Variants in AMOTL1 observed in about 807,000 individuals in gnomAD.
AMOTL1 encodes the protein angiomotin like 1.
Under a neutral mutation model 102.9 loss-of-function variants are expected in AMOTL1, and 45 were observed. The observed-to-expected ratio is 0.44, with a 90% CI of 0.34 to 0.56. AMOTL1 has a LOEUF of 0.56. AMOTL1 is among the 20% of genes least tolerant of loss of function. The probability of loss-of-function intolerance (pLI) is 0.01; values close to 1 mark genes in which losing one functional copy is unlikely to be tolerated. For missense variants in AMOTL1, 1,114 were observed against 1,225.6 expected, an observed-to-expected ratio of 0.91 and a Z score of 1.36; for synonymous variants, 481 against 484.7, an observed-to-expected ratio of 0.99 and a Z score of 0.10.
intron 1 of AMOTL1, among the ~76,000 whole-genome samples, chr11:94,779,764 A>G (rs1022433287): frequency 6.6e-6 from 1 of 152,166 alleles, no homozygotes; most frequent in Admixed American, 6.5e-5. Context: ...ATCCATTTTG[A>G]GACCCTTGAT....
intron 1 of AMOTL1, among the ~76,000 whole-genome samples, chr11:94,773,877 A>G (rs536551557): frequency 6.6e-6 from 1 of 152,358 alleles, no homozygotes. Flanking sequence ...AGTTATGTAT[A>G]TGTTAAAATG....
chr11:94,822,786 C>G (rs908681283), intron 4 of AMOTL1, among the ~76,000 whole-genome samples: 6 of 152,110 alleles, frequency 3.9e-5, no homozygotes, highest in Non-Finnish European at 7.4e-5. Context: ...TCATTATGCC[C>G]CTCAGGTCAG....
intron 3 of AMOTL1, among the ~76,000 whole-genome samples, chr11:94,751,825 T>C (rs929418413): frequency 3.3e-5 from 5 of 150,542 alleles, no homozygotes; most frequent in Non-Finnish European, 7.4e-5. Context: ...CACACACACA[T>C]AGGAAAATGG....
chr11:94,801,566 A>G (rs3858370), intron 3 of AMOTL1, among the ~76,000 whole-genome samples: 31,744 of 152,092 alleles, frequency 0.21, 4,231 homozygotes, highest in East Asian at 0.46. Context: ...CCCACGCCAC[A>G]AGGAGCTCCA....
intron 9 of AMOTL1, 115 bp from the exon 10 acceptor site, chr11:94,864,620 T>C: frequency 7.0e-7 from 1 of 1,438,350 alleles, no homozygotes. Context: ...CAATGCGAGA[T>C]GCAGAGCTGA....
chr11:94,775,172 A>G (rs943496088), intron 1 of AMOTL1, among the ~76,000 whole-genome samples: 2 of 152,232 alleles, frequency 1.3e-5, no homozygotes, highest in African/African-American at 4.8e-5. Flanking sequence ...TATTTTCTGC[A>G]TCATCAGTAT....
chr11:94,727,394 C>T (rs1416089927), intron 1 of AMOTL1, among the ~76,000 whole-genome samples: 2 of 152,234 alleles, frequency 1.3e-5, no homozygotes, highest in African/African-American at 4.8e-5. Context: ...CTACTCCAGA[C>T]ATGTTTTTAG....
intron 2 of AMOTL1, among the ~76,000 whole-genome samples, chr11:94,798,804 G>T (rs1474893702): frequency 6.6e-6 from 1 of 152,064 alleles, no homozygotes; most frequent in African/African-American, 2.4e-5. Context: ...GCAGGAAGAG[G>T]GTAACCAACC....
At chr11:94,861,290 C>T (rs1268821505) in intron 9 of AMOTL1, among the ~76,000 whole-genome samples, 1 of 152,066 alleles carries the variant, frequency 6.6e-6, no homozygotes, top group Non-Finnish European at 1.5e-5. Flanking sequence ...ACAGGGAAGC[C>T]TTTTGAAACA....
intron 1 of AMOTL1, among the ~76,000 whole-genome samples, chr11:94,775,796 T>A (rs1217479491): frequency 6.6e-6 from 1 of 152,208 alleles, no homozygotes; most frequent in Non-Finnish European, 1.5e-5. Flanking sequence ...GAATGAAATG[T>A]ACCACATCTC....
intron 1 of AMOTL1, among the ~76,000 whole-genome samples, chr11:94,794,111 C>T (rs1209415219): frequency 6.6e-6 from 1 of 152,160 alleles, no homozygotes; most frequent in Non-Finnish European, 1.5e-5. Context: ...TGCTGAAAAA[C>T]AGGATTTTTT....
chr11:94,846,623 A>G (rs1299030707), intron 6 of AMOTL1, among the ~76,000 whole-genome samples: 1 of 152,224 alleles, frequency 6.6e-6, no homozygotes, highest in African/African-American at 2.4e-5. Context: ...TCAGAGATAT[A>G]TGACCTGTGA....
chr11:94,759,583 A>AAG (rs1292403482), intron 3 of AMOTL1, among the ~76,000 whole-genome samples: 1 of 151,604 alleles, frequency 6.6e-6, no homozygotes, highest in Non-Finnish European at 1.5e-5. Flanking sequence ...AAAAAAAAAA[A>AAG]AAAAAGGGCA....
At chr11:94,814,497 C>A (rs752838829) in intron 3 of AMOTL1, among the ~76,000 whole-genome samples, 2 of 152,196 alleles carry the variant, frequency 1.3e-5, no homozygotes, top group African/African-American at 4.8e-5. Context: ...ACAAGCAGAT[C>A]TGAGCTTAGT....
chr11:94,838,082 T>C (rs185418747), intron 6 of AMOTL1, among the ~76,000 whole-genome samples: 1 of 152,322 alleles, frequency 6.6e-6, no homozygotes, highest in East Asian at 1.9e-4. Context: ...ATCTTCCTTT[T>C]ATATACTCCC....
chr11:94,779,126 A>G (rs1591956187), intron 1 of AMOTL1, among the ~76,000 whole-genome samples: 1 of 152,322 alleles, frequency 6.6e-6, no homozygotes, highest in East Asian at 1.9e-4. Context: ...TTAAACTGCT[A>G]CAGTCATCAT....
chr11:94,729,250 T>C (rs1398826148), intron 2 of AMOTL1, among the ~76,000 whole-genome samples: 1 of 152,220 alleles, frequency 6.6e-6, no homozygotes, highest in Non-Finnish European at 1.5e-5. Flanking sequence ...ACAAGTTTTA[T>C]GGCCTTGAGA....
intron 6 of AMOTL1, among the ~76,000 whole-genome samples, chr11:94,849,227 T>C (rs1952481185): frequency 6.6e-6 from 1 of 152,220 alleles, no homozygotes; most frequent in East Asian, 1.9e-4. Context: ...TCAGAGAGTT[T>C]CTAGAAGTTT....
chr11:94,813,675 C>T (rs1280974043), intron 3 of AMOTL1, among the ~76,000 whole-genome samples: 17 of 152,182 alleles, frequency 1.1e-4, no homozygotes. Context: ...TGTGAATATA[C>T]ATGTCGTCCC....
Sources: allele counts gnomAD v4.1 joint callset (sites outside exome capture counted in the v4.1 genomes callset), GRCh38; gene constraint gnomAD v4.1.1; transcripts MANE v1.5; gene names NCBI Gene and HGNC (gene_info 2026-07-23, HGNC 2026-07-21).